NEDD9: variants seen among roughly 807,000 people sequenced by gnomAD.
NEDD9 encodes the protein enhancer of filamentation 1.
NEDD9 carries 26 observed loss-of-function variants against 76.6 expected under a neutral mutation model. The observed-to-expected ratio is 0.34, with a 90% confidence interval of 0.25 to 0.47. The LOEUF (loss-of-function observed/expected upper bound fraction) is 0.47. Among genes scored for constraint, NEDD9 ranks in the 20% least tolerant of loss-of-function variants. The probability of loss-of-function intolerance (pLI) is 1.00; values close to 1 mark genes in which losing one functional copy is unlikely to be tolerated. For synonymous variants in NEDD9, 392 were observed against 414.2 expected, an observed-to-expected ratio of 0.95 and a Z score of 0.65; for missense variants, 937 against 1,058.5, an observed-to-expected ratio of 0.89 and a Z score of 1.59.
At chr6:11,255,658 A>G (rs767000984) in intron 3 of NEDD9, among the ~76,000 whole-genome samples, 1 of 152,118 alleles carries the variant, frequency 6.6e-6, no homozygotes, top group Non-Finnish European at 1.5e-5. Context: ...AAAATTCCTT[A>G]ACAGACCCCA....
chr6:11,264,086 C>T (rs1474395854), intron 3 of NEDD9, among the ~76,000 whole-genome samples: 1 of 152,178 alleles, frequency 6.6e-6, no homozygotes, highest in Non-Finnish European at 1.5e-5. Flanking sequence ...TCAGAGTTCC[C>T]CGGATGTGGA....
At chr6:11,272,553 A>C (rs1760331085) in intron 3 of NEDD9, among the ~76,000 whole-genome samples, 1 of 152,214 alleles carries the variant, frequency 6.6e-6, no homozygotes, top group Non-Finnish European at 1.5e-5. Flanking sequence ...GAACGCTATC[A>C]TCTGATGAAT....
intron 2 of NEDD9, among the ~76,000 whole-genome samples, chr6:11,330,078 G>C (rs1324725751): frequency 1.3e-5 from 2 of 152,184 alleles, no homozygotes; most frequent in African/African-American, 4.8e-5. Flanking sequence ...GTGTGACTGA[G>C]GTAGTGAGTT....
At chr6:11,226,430 C>T (rs1759312221) in intron 1 of NEDD9, among the ~76,000 whole-genome samples, 1 of 152,162 alleles carries the variant, frequency 6.6e-6, no homozygotes, top group African/African-American at 2.4e-5. Context: ...CCTATATGTT[C>T]TTGCAGAGTA....
chr6:11,207,224 C>G (rs1581956186), intron 2 of NEDD9, among the ~76,000 whole-genome samples: 1 of 152,284 alleles, frequency 6.6e-6, no homozygotes, highest in Non-Finnish European at 1.5e-5. Flanking sequence ...AGTCATGCTG[C>G]TAATATATAG....
chr6:11,236,669 C>T (rs757900740), upstream of NEDD9, among the ~76,000 whole-genome samples: 5 of 152,172 alleles, frequency 3.3e-5, no homozygotes, highest in Non-Finnish European at 4.4e-5. The surrounding 1 kb of genome is among the most constrained non-coding windows in gnomAD (Gnocchi z 5.5). Context: ...TGAGGTCAGG[C>T]CCCTGAATCT....
At chr6:11,263,234 G>A (rs1395100470) in intron 3 of NEDD9, among the ~76,000 whole-genome samples, 1 of 152,174 alleles carries the variant, frequency 6.6e-6, no homozygotes, top group Non-Finnish European at 1.5e-5. Context: ...GTGTGTGTAA[G>A]GGGGAGGATT....
chr6:11,379,792 C>A (rs1438886480), intron 1 of NEDD9, among the ~76,000 whole-genome samples: 1 of 152,084 alleles, frequency 6.6e-6, no homozygotes, highest in Non-Finnish European at 1.5e-5. Context: ...AGCCTCAGAT[C>A]GACTTTCTCT....
intron 2 of NEDD9, among the ~76,000 whole-genome samples, chr6:11,308,624 C>T (rs1055673177): frequency 1.3e-5 from 2 of 152,096 alleles, no homozygotes. Context: ...CCACCTCAGC[C>T]TCCCAAAGTG....
At chr6:11,336,945 G>A (rs762756305) in intron 1 of NEDD9, among the ~76,000 whole-genome samples, 1 of 152,148 alleles carries the variant, frequency 6.6e-6, no homozygotes, top group Non-Finnish European at 1.5e-5. Flanking sequence ...TCTTGGCTGG[G>A]CGCGGTGGCT....
Position 11,185,589 on chromosome 6 carries a change from A to G in NEDD9, c.2078T>C (p.Leu693Pro), listed in dbSNP as rs1757957970. 1 of 1,614,098 alleles carries G rather than the reference A, an allele frequency of 6.2e-7. No individual in the cohort carries two copies. Among genetic ancestry groups the G allele is most frequent in the African/African-American group, 1.3e-5 (1 of 74,930 alleles). ...DISKWKPSQS[L>P]PTTNSGVSAQ... The stretch of plus-strand genomic sequence containing the variant: ...ACTCACGCCACTGTTTGTGGTGGGT[A>G]GGCTCTGAGAGGGCTTCCACTTCGA... The change falls in exon 7 of 7, where the codon CTA becomes CCA. Residue 693 changes from leucine to proline, a missense_variant. By Grantham distance (98) the Leu-to-Pro change is moderately conservative. Coordinates refer to ENST00000379446, the MANE Select transcript of NEDD9 (RefSeq NM_006403.4).
intron 2 of NEDD9, among the ~76,000 whole-genome samples, chr6:11,318,594 T>C (rs1761651663): frequency 6.6e-6 from 1 of 152,192 alleles, no homozygotes; most frequent in Non-Finnish European, 1.5e-5. Context: ...TCAGGGGCTG[T>C]TGCTAGCATA....
At chr6:11,232,471 T>G (rs60632613) in intron 1 of NEDD9, 33 bp downstream of exon 1, 33 of 1,613,958 alleles carry the variant, frequency 2.0e-5, no homozygotes, top group Non-Finnish European at 2.6e-5. Flanking sequence ...AGCTTTCAGC[T>G]TGCAAGGTAA....
At chr6:11,329,647 C>A (rs1442724991) in intron 2 of NEDD9, among the ~76,000 whole-genome samples, 1 of 152,164 alleles carries the variant, frequency 6.6e-6, no homozygotes, top group Non-Finnish European at 1.5e-5. Context: ...AACTCATAAG[C>A]ACGCTTGCAG....
intron 1 of NEDD9, among the ~76,000 whole-genome samples, chr6:11,362,768 G>A (rs1428253659): frequency 1.3e-5 from 2 of 152,210 alleles, no homozygotes; most frequent in African/African-American, 4.8e-5. Flanking sequence ...AAGTGCATTA[G>A]CATTTGAGTG....
rs1759931361 is a variant in NEDD9 at position 11,252,445 on chromosome 6, A to G, written c.13-38718T>C. Among the ~76,000 whole-genome samples, 1 of 152,222 alleles carries G rather than the reference A, an allele frequency of 6.6e-6. No individual in the cohort carries two copies. The highest frequency in any genetic ancestry group is 2.4e-5 in the African/African-American group (1 of 41,446). ...CTCTGCTTATTTTGAATGCTTCAGC[A>G]AGATCTATGTTAATAGAATTCTCTA... is the stretch of plus-strand genomic sequence containing the variant. On this transcript the variant is annotated intron_variant, in intron 3 of 3. Coordinates refer to the NEDD9 transcript ENST00000397378. The surrounding 1 kb of genome is among the most constrained non-coding windows in gnomAD (Gnocchi z 4.3).
At chr6:11,344,806 T>C (rs1159066601) in intron 1 of NEDD9, among the ~76,000 whole-genome samples, 4 of 152,338 alleles carry the variant, frequency 2.6e-5, no homozygotes, top group African/African-American at 9.6e-5. Context: ...AAAATCCCTT[T>C]CATTTCTTGT....
chr6:11,204,033 GAGAA>G (rs1316916036), intron 2 of NEDD9, among the ~76,000 whole-genome samples: 3 of 151,660 alleles, frequency 2.0e-5, no homozygotes, highest in Non-Finnish European at 4.4e-5. Context: ...AAGTGATTCT[GAGAA>G]AGAATCAGAT....
chr6:11,376,222 G>A (rs1762967090), intron 1 of NEDD9, among the ~76,000 whole-genome samples: 1 of 152,188 alleles, frequency 6.6e-6, no homozygotes, highest in African/African-American at 2.4e-5. Context: ...ACTGAGAAGT[G>A]GAGCATTGCT....
Sources: gnomAD v4.1 joint callset for allele counts (sites outside exome capture counted in the v4.1 genomes callset) on GRCh38, gnomAD v4.1.1 for gene constraint, Gnocchi (gnomAD v3.1) non-coding constraint, MANE v1.5 for transcripts, NCBI Gene and HGNC (gene_info 2026-07-23, HGNC 2026-07-21) for gene names.